SOCS4: variants seen among roughly 807,000 people sequenced by gnomAD.
The protein encoded by SOCS4 is suppressor of cytokine signaling 4.
In SOCS4, 20 loss-of-function variants were observed where a neutral mutation model predicts 34.1. The ratio of observed to expected loss-of-function variants is 0.59; its 90% confidence interval spans 0.41 to 0.85. The LOEUF is 0.85. Ranked by LOEUF, SOCS4 falls within the 40% of genes least tolerant of loss-of-function variation. The pLI, the probability that SOCS4 is intolerant of heterozygous loss-of-function variation, is 0.00. For synonymous variants in SOCS4, 180 were observed against 186.4 expected (o/e 0.97, Z 0.28); for missense variants, 479 against 532.4 (o/e 0.90, Z 0.99).
intron 2 of SOCS4, among the ~76,000 whole-genome samples, chr14:55,038,964 A>G (rs1382304802): frequency 2.0e-5 from 3 of 152,180 alleles, no homozygotes; most frequent in African/African-American, 7.2e-5. Flanking sequence ...GGTTATAGAT[A>G]TCTGTTCATT....
chr14:55,031,236 T>G (rs2042525975), intron 1 of SOCS4, among the ~76,000 whole-genome samples: 1 of 152,196 alleles, frequency 6.6e-6, no homozygotes, highest in Non-Finnish European at 1.5e-5. Flanking sequence ...GCTCGTAGTT[T>G]CTGCTTTCTT....
At chr14:55,033,313 A>G (rs1185531594) in intron 2 of SOCS4, among the ~76,000 whole-genome samples, 1 of 152,158 alleles carries the variant, frequency 6.6e-6, no homozygotes, top group Non-Finnish European at 1.5e-5. Context: ...ATTTTTTTAT[A>G]TTTTAGAATT....
intron 2 of SOCS4, among the ~76,000 whole-genome samples, chr14:55,036,598 C>G (rs980644328): frequency 3.8e-4 from 58 of 152,240 alleles, no homozygotes; most frequent in Non-Finnish European, 7.6e-4. Flanking sequence ...CCCGTCTCGG[C>G]CTCCCAAAGT....
At chr14:55,042,189 C>T (rs1297933658) in intron 2 of SOCS4, among the ~76,000 whole-genome samples, 1 of 152,170 alleles carries the variant, frequency 6.6e-6, no homozygotes, top group Admixed American at 6.5e-5. Flanking sequence ...ATTGCAAATT[C>T]TAGTATGTTT....
intron 2 of SOCS4, among the ~76,000 whole-genome samples, chr14:55,041,363 TCAGA>T (rs1422085779): frequency 8.5e-5 from 13 of 152,228 alleles, no homozygotes; most frequent in Non-Finnish European, 1.8e-4. Context: ...TGTGACATAA[TCAGA>T]CAATCATATC....
rs779453398 is a variant in SOCS4, at chr14:55,043,152, A to ATC, written c.113_114dup (p.Trp39LeufsTer15). ...GTTATGTGTGGAGTGGAAAGAAGTT[A>ATC]TCTTGGTCAAAAAAGAGTGAGAGTT... On this transcript the variant is annotated frameshift_variant, in exon 3 of 3. Coordinates refer to ENST00000555846, the MANE Select transcript of SOCS4 (RefSeq NM_199421.2). LOFTEE classifies it high-confidence loss of function. The ATC allele has an allele frequency of 1.2e-6, 2 of 1,614,250 alleles. No homozygotes were observed. Among genetic ancestry groups the ATC allele is most frequent in the Non-Finnish European group, 1.7e-6 (2 of 1,180,030 alleles).
intron 2 of SOCS4, among the ~76,000 whole-genome samples, chr14:55,034,150 G>C (rs757930261): frequency 6.6e-6 from 1 of 152,050 alleles, no homozygotes; most frequent in Non-Finnish European, 1.5e-5. Context: ...CAAACAAAAA[G>C]ATATAAACAG....
At chr14:55,038,615 G>A (rs2042592805) in intron 2 of SOCS4, among the ~76,000 whole-genome samples, 2 of 152,198 alleles carry the variant, frequency 1.3e-5, no homozygotes, top group Admixed American at 1.3e-4. Flanking sequence ...TTTAGGCCCA[G>A]TCTTCCCCTC....
intron 2 of SOCS4, among the ~76,000 whole-genome samples, chr14:55,032,550 C>A (rs1051566507): frequency 2.0e-5 from 3 of 152,044 alleles, no homozygotes; most frequent in Admixed American, 2.0e-4. Flanking sequence ...AAAAAGATGT[C>A]ATTCTGTACT....
At chr14:55,039,753 G>A (rs917221706) in intron 2 of SOCS4, among the ~76,000 whole-genome samples, 3 of 151,914 alleles carry the variant, frequency 2.0e-5, no homozygotes, top group South Asian at 2.1e-4. Flanking sequence ...AAAATTATCC[G>A]GGCATGGTGG....
rs758979350 is a variant in SOCS4, at chr14:55,033,078, G to A, written c.-91+1087G>A. 3.3e-5 allele frequency among the ~76,000 whole-genome samples: 5 copies of A among 151,962 alleles called. No individual in the cohort carries two copies. The East Asian group carries it at 5.8e-4, about 18-fold the overall frequency. On this transcript the variant is annotated intron_variant, in intron 2 of 2. Coordinates refer to ENST00000555846, the MANE Select transcript of SOCS4 (RefSeq NM_199421.2). Reference sequence around the variant, plus strand: ...ATTACAGGTGTGAGCCACCGCGCCCGGCCCTATACAAAGTTTTTATAAAAT... The same window carrying A: ...ATTACAGGTGTGAGCCACCGCGCCCAGCCCTATACAAAGTTTTTATAAAAT...
At position 55,045,761 on chromosome 14, in the gene SOCS4, T is replaced by C. The variant is rs925094809; in HGVS notation, c.*1397T>C. On this transcript the variant is annotated 3_prime_UTR_variant, in exon 3 of 3. Coordinates refer to ENST00000555846, the MANE Select transcript of SOCS4 (RefSeq NM_199421.2). ...TGAGCTGTCTAACCCTTTGTACACATTGACATTTTTAATATCGTAACTGAT... is the reference window on the plus strand; with the variant it reads ...TGAGCTGTCTAACCCTTTGTACACACTGACATTTTTAATATCGTAACTGAT... 6.0e-6 allele frequency: 1 copy of C among 166,980 alleles called. No homozygotes were observed. Among genetic ancestry groups the C allele is most frequent in the Non-Finnish European group, 1.5e-5 (1 of 68,010 alleles). The allele number at this position is 166,980 out of a possible 1,614,324, so 10.3% of individuals were successfully genotyped here. A position where few individuals can be genotyped will look rare whatever the true frequency, so the allele number is the denominator to read the frequency against.
Position 55,044,705 on chromosome 14 carries a change from A to G in SOCS4, c.*341A>G, listed in dbSNP as rs2042658525. On this transcript the variant is annotated 3_prime_UTR_variant, in exon 3 of 3. Transcript: ENST00000555846. ...GAAATTTGGTAGGCATTGCAAACAC[A>G]TTTGAATATTGTGTATTTCATACTA... 5.9e-6 allele frequency: 1 copy of G among 170,216 alleles called. No individual in the cohort carries two copies. The highest frequency in any genetic ancestry group is 6.4e-5 in the Admixed American group (1 of 15,546). 10.5% of individuals were successfully genotyped at this position (170,216 alleles called of 1,614,324 possible).
intron 1 of SOCS4, among the ~76,000 whole-genome samples, chr14:55,029,286 TGTA>T (rs1214202509): frequency 2.0e-4 from 30 of 152,282 alleles, no homozygotes; most frequent in Middle Eastern, 6.8e-3. Context: ...AAGAAATCAG[TGTA>T]GCTGTGTCAC....
chr14:55,047,851 G>A lies in SOCS4; in HGVS notation c.*3487G>A, dbSNP rs1396111917. 1.2e-5 allele frequency: 2 copies of A among 167,084 alleles called. No individual in the cohort carries two copies. The highest frequency in any genetic ancestry group is 1.3e-4 in the Admixed American group (2 of 15,286). 10.4% of individuals were successfully genotyped at this position (167,084 alleles called of 1,614,324 possible). A position where few individuals can be genotyped will look rare whatever the true frequency, so the allele number is the denominator to read the frequency against. On this transcript the variant is annotated 3_prime_UTR_variant, in exon 3 of 3. Coordinates refer to ENST00000555846, the MANE Select transcript of SOCS4 (RefSeq NM_199421.2). ...AGATAAATCCAGTTATCAGCTTCCT[G>A]TCTCTGAAGTTTGGATCATTTTATA... is the stretch of plus-strand genomic sequence containing the variant.
Position 55,044,823 on chromosome 14 carries a change from G to A in SOCS4, c.*459G>A, listed in dbSNP as rs1206409734. The A allele has an allele frequency of 1.2e-5, 2 of 166,766 alleles. No individual in the cohort carries two copies. The highest frequency in any genetic ancestry group is 2.4e-5 in the African/African-American group (1 of 41,294). The allele number at this position is 166,766 out of a possible 1,614,324, so 10.3% of individuals were successfully genotyped here. A position where few individuals can be genotyped will look rare whatever the true frequency, so the allele number is the denominator to read the frequency against. On this transcript the variant is annotated 3_prime_UTR_variant, in exon 3 of 3. Transcript: ENST00000555846. ...TATTATATATAAAATATAGTTCCCC[G>A]TCCCCCTTTTCATTGAGTTTGATAT...
intron 2 of SOCS4, among the ~76,000 whole-genome samples, chr14:55,032,901 G>A (rs1470682100): frequency 2.0e-5 from 3 of 152,024 alleles, no homozygotes; most frequent in Non-Finnish European, 4.4e-5. Flanking sequence ...TCCTGCCTCA[G>A]CCTCCCGAGT....
At position 55,043,179 on chromosome 14, in the gene SOCS4, T is replaced by C; in HGVS notation, c.138T>C (p.Tyr46=). ...KLSWSKKSES[Y]SDAETVNGIE... ...CTTGGTCAAAAAAGAGTGAGAGTTA[T>C]TCAGATGCTGAGACAGTGAATGGTA... Residue 46 remains tyrosine (Y), a synonymous_variant, in exon 3 of 3, where the codon TAT becomes TAC. Transcript: ENST00000555846. The C allele has an allele frequency of 6.2e-7, 1 of 1,614,246 alleles. No individual in the cohort carries two copies. Among genetic ancestry groups the C allele is most frequent in the Non-Finnish European group, 8.5e-7 (1 of 1,180,042 alleles).
chr14:55,043,565 A>G lies in SOCS4; in HGVS notation c.524A>G (p.Gln175Arg), dbSNP rs2042641437. The change falls in exon 3 of 3, where the codon CAG becomes CGG. Residue 175 changes from glutamine (Q) to arginine (R), a missense_variant. Transcript: ENST00000555846. Reference sequence around the variant, plus strand: ...TCTCAGACTGAATTGAGGGATGGTCAGCTAAAACGAAGAAATATGGAAGAA... The same window carrying G: ...TCTCAGACTGAATTGAGGGATGGTCGGCTAAAACGAAGAAATATGGAAGAA... ...DLSQTELRDG[Q>R]LKRRNMEENI... 6.2e-7 allele frequency: 1 copy of G among 1,614,104 alleles called. No homozygotes were observed. The highest frequency in any genetic ancestry group is 8.5e-7 in the Non-Finnish European group (1 of 1,180,044).
Sources: allele counts gnomAD v4.1 joint callset (sites outside exome capture counted in the v4.1 genomes callset), GRCh38; gene constraint gnomAD v4.1.1; transcripts MANE v1.5; gene names NCBI Gene and HGNC (gene_info 2026-07-23, HGNC 2026-07-21).